ADAMTS17: variants seen among roughly 807,000 people sequenced by gnomAD.
ADAMTS17 encodes ADAM metallopeptidase with thrombospondin type 1 motif 17, also known as A disintegrin and metalloproteinase with thrombospondin motifs 17.
ADAMTS17 carries 113 observed loss-of-function variants against 141.5 expected under a neutral mutation model. The observed-to-expected ratio is 0.80, with a 90% CI of 0.69 to 0.93. ADAMTS17 has a LOEUF of 0.93. Ranked by LOEUF, ADAMTS17 falls within the 40% of genes least tolerant of loss-of-function variation. The pLI is 0.00. For synonymous variants in ADAMTS17, 768 were observed against 630.6 expected (o/e 1.22, Z -3.27); for missense variants, 1,659 against 1,517.9 (o/e 1.09, Z -1.54).
rs564165754 is a variant in ADAMTS17 at position 99,971,756 on chromosome 15, C to G, written c.*2646G>C. ...AATTTTGCACCAATAAAAATAGCAC[C>G]GTAGGGTCGTGAGACTCTGGTAACA... On this transcript the variant is annotated 3_prime_UTR_variant, in exon 22 of 22. Coordinates refer to ENST00000268070, the MANE Select transcript of ADAMTS17 (RefSeq NM_139057.4). 1 of 152,152 alleles carries G rather than the reference C, an allele frequency of 6.6e-6. No homozygotes were observed. Among genetic ancestry groups the G allele is most frequent in the African/African-American group, 2.4e-5 (1 of 41,434 alleles). The allele number at this position is 152,152 out of a possible 1,614,324, so 9.4% of individuals were successfully genotyped here. A position where few individuals can be genotyped will look rare whatever the true frequency, so the allele number is the denominator to read the frequency against.
At chr15:100,131,156 G>A (rs1459709627) in intron 12 of ADAMTS17, among the ~76,000 whole-genome samples, 4 of 151,906 alleles carry the variant, frequency 2.6e-5, no homozygotes, top group Non-Finnish European at 5.9e-5. Context: ...TCAGAAATGG[G>A]AGCTGAACAA....
intron 3 of ADAMTS17, among the ~76,000 whole-genome samples, chr15:100,299,162 G>T (rs1007230200): frequency 6.6e-6 from 1 of 151,940 alleles, no homozygotes; most frequent in Non-Finnish European, 1.5e-5. Flanking sequence ...TAAGGTACTG[G>T]GCTAGTTAGT....
chr15:100,095,868 G>A (rs2035724632), intron 15 of ADAMTS17, among the ~76,000 whole-genome samples: 1 of 152,214 alleles, frequency 6.6e-6, no homozygotes, highest in South Asian at 2.1e-4. Context: ...AGGAGGCTCA[G>A]GTACTCCGGA....
chr15:100,006,730 T>A (rs1485355826), intron 18 of ADAMTS17, among the ~76,000 whole-genome samples: 1 of 152,292 alleles, frequency 6.6e-6, no homozygotes, highest in African/African-American at 2.4e-5. Flanking sequence ...TCTGTGCCAA[T>A]CTCTGTGCTA....
Position 100,132,016 on chromosome 15 carries a change from TCA to T in ADAMTS17, c.1710_1711del (p.Cys570Ter). On this transcript the variant is annotated stop_gained and frameshift_variant, in exon 12 of 22. Coordinates refer to ENST00000268070, the MANE Select transcript of ADAMTS17 (RefSeq NM_139057.4). LOFTEE classifies it high-confidence loss of function. Reference sequence around the variant, plus strand: ...TGGTCAGGGGACTTACGGGGGGTTGTCACATTTCCTCTGCCTGAAGCGGGCTC... The same window carrying T: ...TGGTCAGGGGACTTACGGGGGGTTGTCATTTCCTCTGCCTGAAGCGGGCTC... The T allele has an allele frequency of 6.2e-7, 1 of 1,614,200 alleles. No homozygotes were observed. The highest frequency in any genetic ancestry group is 8.5e-7 in the Non-Finnish European group (1 of 1,180,038).
At chr15:100,166,027 C>T (rs74037529) in intron 8 of ADAMTS17, among the ~76,000 whole-genome samples, 3,179 of 152,266 alleles carry the variant, frequency 0.021, 130 homozygotes, top group East Asian at 0.18. Flanking sequence ...GGGGAGAAAT[C>T]ACATCATTAG....
At chr15:100,209,592 T>C (rs988171183) in intron 7 of ADAMTS17, among the ~76,000 whole-genome samples, 4 of 137,784 alleles carry the variant, frequency 2.9e-5, no homozygotes, top group Non-Finnish European at 4.7e-5. Context: ...ATGACGGCAT[T>C]ACATTTTATT....
At chr15:100,262,556 T>C (rs2043560873) in intron 4 of ADAMTS17, 121 bp from the exon 5 acceptor site, 2 of 691,454 alleles carry the variant, frequency 2.9e-6, no homozygotes, top group Non-Finnish European at 4.8e-6. Context: ...GAAATAGAAA[T>C]AAAGCGTAGA....
At chr15:100,043,754 C>CTGA (rs1340577176) in intron 18 of ADAMTS17, among the ~76,000 whole-genome samples, 7 of 152,376 alleles carry the variant, frequency 4.6e-5, no homozygotes, top group African/African-American at 1.7e-4. Context: ...ATGAAGTTTG[C>CTGA]TGACCCCTGT....
At chr15:100,098,294 G>T (rs10902560) in intron 14 of ADAMTS17, among the ~76,000 whole-genome samples, 19,805 of 152,028 alleles carry the variant, frequency 0.13, 1,554 homozygotes, top group Admixed American at 0.19. Flanking sequence ...CGCAGTGCAG[G>T]GCTGCCTAGA....
chr15:100,252,072 T>G (rs7164828), intron 7 of ADAMTS17, among the ~76,000 whole-genome samples: 20,240 of 152,002 alleles, frequency 0.13, 2,904 homozygotes, highest in African/African-American at 0.37. Flanking sequence ...GCTTAGGAAA[T>G]GAGATGATGC....
Position 100,251,268 on chromosome 15 carries a change from G to C in ADAMTS17, c.1075+2868C>G, listed in dbSNP as rs549980846. On this transcript the variant is annotated intron_variant, in intron 7 of 21. Coordinates refer to ENST00000268070, the MANE Select transcript of ADAMTS17 (RefSeq NM_139057.4). ...GACTTTCTTGTTAAGGAAGTGAGAC[G>C]CATGCACCTGGGAGGGGATATGAGG... Among the ~76,000 whole-genome samples the C allele has an allele frequency of 3.9e-5, 6 of 152,282 alleles. No homozygotes were observed. In the East Asian group the frequency reaches 1.2e-3, roughly 29 times the overall value.
intron 18 of ADAMTS17, among the ~76,000 whole-genome samples, chr15:100,039,953 G>A (rs2031096958): frequency 6.6e-6 from 1 of 152,088 alleles, no homozygotes; most frequent in Admixed American, 6.5e-5. Context: ...ATCATAAAAT[G>A]TCTGTATTCT....
intron 12 of ADAMTS17, among the ~76,000 whole-genome samples, chr15:100,124,251 C>T (rs776653986): frequency 6.6e-6 from 1 of 152,178 alleles, no homozygotes; most frequent in South Asian, 2.1e-4. Flanking sequence ...TAGGCATGAG[C>T]CACTCTGCCA....
chr15:99,991,843 C>A (rs1400623171), intron 20 of ADAMTS17, among the ~76,000 whole-genome samples: 8 of 151,956 alleles, frequency 5.3e-5, no homozygotes, highest in Non-Finnish European at 1.0e-4. Context: ...TATGCAGCCA[C>A]AAAAAAGGAT....
intron 3 of ADAMTS17, among the ~76,000 whole-genome samples, chr15:100,293,516 C>T (rs771362118): frequency 6.6e-6 from 1 of 152,170 alleles, no homozygotes; most frequent in Non-Finnish European, 1.5e-5. Context: ...GTGGGAATGG[C>T]AAAACCTCTC....
intron 7 of ADAMTS17, among the ~76,000 whole-genome samples, chr15:100,215,937 G>T (rs951896297): frequency 3.3e-5 from 5 of 152,010 alleles, no homozygotes; most frequent in Non-Finnish European, 5.9e-5. Flanking sequence ...GAGCTGACTC[G>T]GGAGTCCCTG....
intron 10 of ADAMTS17, among the ~76,000 whole-genome samples, chr15:100,134,802 G>C (rs1177953076): frequency 6.6e-6 from 1 of 152,188 alleles, no homozygotes; most frequent in African/African-American, 2.4e-5. Context: ...GTGCCCTTTA[G>C]GAAGTGGATG....
At chr15:100,103,757 G>A (rs559955362) in intron 14 of ADAMTS17, among the ~76,000 whole-genome samples, 1 of 152,136 alleles carries the variant, frequency 6.6e-6, no homozygotes, top group South Asian at 2.1e-4. Context: ...TGTATTTTTG[G>A]TAGAGACGGG....
Sources: allele counts gnomAD v4.1 joint callset (sites outside exome capture counted in the v4.1 genomes callset), GRCh38; gene constraint gnomAD v4.1.1; transcripts MANE v1.5; gene names NCBI Gene and HGNC (gene_info 2026-07-23, HGNC 2026-07-21).